The following CTNNA1 variants were observed in gnomAD, a reference collection of about 807,000 sequenced individuals.
CTNNA1 encodes catenin alpha 1.
In CTNNA1, 37 loss-of-function variants were observed where a neutral mutation model predicts 98.4. The observed-to-expected ratio is 0.38, with a 90% CI of 0.29 to 0.49. The LOEUF (loss-of-function observed/expected upper bound fraction) is 0.49. Among genes scored for constraint, CTNNA1 ranks in the 20% least tolerant of loss-of-function variants. The pLI is 0.95. For missense variants in CTNNA1, 761 were observed against 1,147.2 expected, an observed-to-expected ratio of 0.66 and a Z score of 4.86; for synonymous variants, 404 against 413.2, an observed-to-expected ratio of 0.98 and a Z score of 0.27.
At chr5:138,915,235 C>T (rs62381205) in intron 10 of CTNNA1, among the ~76,000 whole-genome samples, 10,753 of 152,192 alleles carry the variant, frequency 0.071, 540 homozygotes, top group Non-Finnish European at 0.1. Context: ...ATCCTCTCAG[C>T]GCATTTTCAT....
chr5:138,830,985 A>C (rs770324939), intron 7 of CTNNA1, among the ~76,000 whole-genome samples: 13 of 152,204 alleles, frequency 8.5e-5, no homozygotes, highest in Non-Finnish European at 1.8e-4. Flanking sequence ...ATTTCTGTTG[A>C]AAAATATTAG....
At position 138,932,415 on chromosome 5, in the gene CTNNA1, T is replaced by C. The variant is rs1765564593; in HGVS notation, c.2299-163T>C. The C allele has an allele frequency of 3.5e-6, 5 of 1,437,972 alleles. No homozygotes were observed. In the South Asian group the frequency reaches 4.5e-5, roughly 13 times the overall value. 89.1% of individuals were successfully genotyped at this position (1,437,972 alleles called of 1,614,324 possible). On this transcript the variant is annotated intron_variant, in intron 16 of 17. Coordinates refer to ENST00000302763, the MANE Select transcript of CTNNA1 (RefSeq NM_001903.5). ...CACCCGCCTCCATCCCCAAGCAGAG[T>C]GTAGGCAAGGGCTGTGACTGCCTCA...
At chr5:138,842,427 C>T (rs1041488942) in intron 7 of CTNNA1, among the ~76,000 whole-genome samples, 4 of 152,088 alleles carry the variant, frequency 2.6e-5, no homozygotes, top group Admixed American at 2.0e-4. Flanking sequence ...GAAAAATAGC[C>T]GAAGCCACTG....
intron 13 of CTNNA1, 107 bp from the exon 14 acceptor site, chr5:138,929,138 TA>T: frequency 1.3e-6 from 1 of 772,448 alleles, no homozygotes; most frequent in Non-Finnish European, 2.4e-6. Flanking sequence ...CACTGCACAT[TA>T]AAATCCAGAA....
At chr5:138,847,212 T>C (rs1013041760) in intron 7 of CTNNA1, among the ~76,000 whole-genome samples, 3 of 152,232 alleles carry the variant, frequency 2.0e-5, no homozygotes, top group African/African-American at 7.2e-5. Context: ...TTGCTTCTAT[T>C]GGGTAGTACT....
intron 3 of CTNNA1, among the ~76,000 whole-genome samples, chr5:138,792,901 C>T (rs1201764601): frequency 6.6e-6 from 1 of 152,100 alleles, no homozygotes; most frequent in African/African-American, 2.4e-5. Flanking sequence ...ATTTTTTTCT[C>T]ATAGTCTTCC....
In CTNNA1 at chr5:138,917,808, C is replaced by A. The variant is rs2150234175; in HGVS notation, c.1456C>A (p.Leu486Ile). 6 of 1,614,110 alleles carry A rather than the reference C, an allele frequency of 3.7e-6. No individual in the cohort carries two copies. Among genetic ancestry groups the A allele is most frequent in the Non-Finnish European group, 5.1e-6 (6 of 1,179,996 alleles). Residue 486 changes from leucine to isoleucine, a missense_variant, in exon 11 of 18, where the codon CTT becomes ATT. This residue lies in a region of CTNNA1 where 287 missense variants were observed against 436.0 expected (regional missense o/e 0.66). Transcript: ENST00000302763. ...TAAACTGGCCCAAGAGAACATGGAT[C>A]TTTTTAAAGAACAATGGGAAAAACA... Reference protein sequence around the residue: ...QSKLAQENMDLFKEQWEKQVR... With the variant: ...QSKLAQENMDIFKEQWEKQVR...
At chr5:138,842,190 C>T (rs920555737) in intron 7 of CTNNA1, among the ~76,000 whole-genome samples, 1 of 152,118 alleles carries the variant, frequency 6.6e-6, no homozygotes, top group African/African-American at 2.4e-5. Flanking sequence ...GTTCCAGCTA[C>T]TCGGGAGGCT....
intron 7 of CTNNA1, among the ~76,000 whole-genome samples, chr5:138,838,347 T>A (rs961563700): frequency 1.3e-5 from 2 of 152,270 alleles, no homozygotes; most frequent in African/African-American, 4.8e-5. Flanking sequence ...TAGTTGATTT[T>A]GTACGCATGG....
chr5:138,922,990 T>C (rs568359570), intron 11 of CTNNA1, among the ~76,000 whole-genome samples: 2 of 133,540 alleles, frequency 1.5e-5, no homozygotes, highest in East Asian at 1.9e-4. Flanking sequence ...TGGTGGAAGT[T>C]TGGGTCACTT....
intron 5 of CTNNA1, among the ~76,000 whole-genome samples, chr5:138,819,334 G>C (rs998051267): frequency 3.3e-5 from 5 of 152,266 alleles, no homozygotes; most frequent in South Asian, 2.1e-4. Flanking sequence ...ACAGCACAGC[G>C]ATTACTCTAC....
chr5:138,813,413 A>G (rs915713209), intron 5 of CTNNA1, among the ~76,000 whole-genome samples: 3 of 152,214 alleles, frequency 2.0e-5, no homozygotes, highest in Admixed American at 6.5e-5. Context: ...GCAAGAGGAA[A>G]GGAGTCTGCC....
At chr5:138,773,135 C>T (rs893991615) in intron 1 of CTNNA1, among the ~76,000 whole-genome samples, 3 of 152,196 alleles carry the variant, frequency 2.0e-5, no homozygotes, top group East Asian at 3.8e-4. Context: ...GGATTGGGAT[C>T]ACTAAAAACA....
chr5:138,851,524 G>A (rs1423589704), intron 7 of CTNNA1, among the ~76,000 whole-genome samples: 5 of 151,412 alleles, frequency 3.3e-5, no homozygotes, highest in Admixed American at 6.6e-5. Context: ...TTGGGAGGCC[G>A]AGGGGGGCAG....
chr5:138,888,126 C>T (rs1754498310), intron 9 of CTNNA1, among the ~76,000 whole-genome samples: 1 of 152,202 alleles, frequency 6.6e-6, no homozygotes, highest in Admixed American at 6.5e-5. Context: ...ATGCCTGAGA[C>T]ATAGACTCAG....
chr5:138,780,420 C>G (rs1754937990), intron 1 of CTNNA1, among the ~76,000 whole-genome samples: 1 of 151,600 alleles, frequency 6.6e-6, no homozygotes, highest in South Asian at 2.1e-4. Context: ...GTCTCAATCT[C>G]CTGACCTCAT....
intron 3 of CTNNA1, among the ~76,000 whole-genome samples, chr5:138,805,291 T>TA (rs1429784674): frequency 6.6e-6 from 1 of 152,180 alleles, no homozygotes; most frequent in Non-Finnish European, 1.5e-5. Flanking sequence ...GCAGTGGAAT[T>TA]ACTGAGTCAT....
At chr5:138,821,497 A>G (rs1760040426) in intron 5 of CTNNA1, among the ~76,000 whole-genome samples, 1 of 152,136 alleles carries the variant, frequency 6.6e-6, no homozygotes, top group Admixed American at 6.5e-5. Flanking sequence ...TTATTTGTAA[A>G]TACTTTGGAC....
rs184425549 is a variant in CTNNA1 at position 138,761,156 on chromosome 5, A to G, written c.-3+7646A>G. ...TATTTTGTACTCTTATATTCTGTGGATTAGTTGTAGGTACATGCTGTTGTG... is the reference window on the plus strand; with the variant it reads ...TATTTTGTACTCTTATATTCTGTGGGTTAGTTGTAGGTACATGCTGTTGTG... On this transcript the variant is annotated intron_variant, in intron 1 of 17. Coordinates refer to ENST00000302763, the MANE Select transcript of CTNNA1 (RefSeq NM_001903.5). 5.9e-5 allele frequency among the ~76,000 whole-genome samples: 9 copies of G among 152,286 alleles called. 1 individual carries two copies. The highest frequency in any genetic ancestry group is 1.7e-4 in the African/African-American group (7 of 41,566).
Sources: gnomAD v4.1 joint callset for allele counts (sites outside exome capture counted in the v4.1 genomes callset) on GRCh38, gnomAD v4.1.1 for gene constraint, gnomAD v4.1.1 regional missense constraint, MANE v1.5 for transcripts, NCBI Gene and HGNC (gene_info 2026-07-23, HGNC 2026-07-21) for gene names.